Variants in ITGA9 observed in about 807,000 individuals in gnomAD.
ITGA9 encodes the protein integrin alpha-9.
In ITGA9, 56 loss-of-function variants were observed where a neutral mutation model predicts 127.8. The observed-to-expected ratio is 0.44, with a 90% CI of 0.35 to 0.55. The LOEUF is 0.55. Ranked by LOEUF, ITGA9 falls within the 20% of genes least tolerant of loss-of-function variation. The pLI is 0.00. For synonymous variants in ITGA9, 508 were observed against 514.5 expected (o/e 0.99, Z 0.17); for missense variants, 1,196 against 1,347.1 (o/e 0.89, Z 1.76).
chr3:37,617,158 G>A (rs930235874), intron 15 of ITGA9, among the ~76,000 whole-genome samples: 3 of 152,272 alleles, frequency 2.0e-5, no homozygotes, highest in East Asian at 1.9e-4. Flanking sequence ...GGCAGGCCTG[G>A]TGGTGACAAA....
chr3:37,460,882 C>A (rs185370298), intron 1 of ITGA9, among the ~76,000 whole-genome samples: 179 of 152,252 alleles, frequency 1.2e-3, no homozygotes, highest in Non-Finnish European at 2.3e-3. Context: ...AGCCACCGCA[C>A]CCGGACTATG....
intron 15 of ITGA9, among the ~76,000 whole-genome samples, chr3:37,600,448 C>G (rs1228509359): frequency 6.6e-6 from 1 of 152,134 alleles, no homozygotes; most frequent in African/African-American, 2.4e-5. Context: ...TGGCCTCTTC[C>G]CTAGCCCCAC....
At chr3:37,786,814 T>A (rs1442983627) in intron 26 of ITGA9, among the ~76,000 whole-genome samples, 1 of 152,210 alleles carries the variant, frequency 6.6e-6, no homozygotes, top group Admixed American at 6.5e-5. Flanking sequence ...ACCCACAAGA[T>A]AAGTTGTCCA....
At chr3:37,817,523 T>C (rs904887524) in intron 27 of ITGA9, among the ~76,000 whole-genome samples, 4 of 152,190 alleles carry the variant, frequency 2.6e-5, no homozygotes, top group Non-Finnish European at 5.9e-5. Context: ...GCAAGCTCCA[T>C]GGGGAAACTG....
At chr3:37,720,173 T>A (rs1701176573) in intron 18 of ITGA9, among the ~76,000 whole-genome samples, 1 of 152,178 alleles carries the variant, frequency 6.6e-6, no homozygotes, top group South Asian at 2.1e-4. Context: ...CAGCTTCAAG[T>A]TGCAAACCAG....
intron 16 of ITGA9, among the ~76,000 whole-genome samples, chr3:37,645,750 C>T (rs532432075): frequency 6.6e-6 from 1 of 152,252 alleles, no homozygotes; most frequent in Admixed American, 6.5e-5. Flanking sequence ...CAAATATCAC[C>T]AAGTCCAAGA....
At chr3:37,643,677 G>A (rs1441822718) in intron 16 of ITGA9, among the ~76,000 whole-genome samples, 1 of 152,110 alleles carries the variant, frequency 6.6e-6, no homozygotes. Context: ...AAACACACCC[G>A]GTGGACAGTG....
At chr3:37,522,584 A>G (rs1240024819) in intron 11 of ITGA9, among the ~76,000 whole-genome samples, 1 of 152,048 alleles carries the variant, frequency 6.6e-6, no homozygotes, top group Admixed American at 6.5e-5. Context: ...ACAGCTGGGT[A>G]TATTGGAGCA....
At position 37,736,952 on chromosome 3, in the gene ITGA9, G is replaced by C; in HGVS notation, c.2203G>C (p.Glu735Gln). ...FDTSHLSGEEEVLSFIVTAQS... is the reference protein window; with the variant it reads ...FDTSHLSGEEQVLSFIVTAQS... The stretch of plus-strand genomic sequence containing the variant: ...TACAAGCCACCTGTCTGGGGAAGAG[G>C]AAGTTCTCAGCTTCATTGTTACTGC... Residue 735 changes from glutamate to glutamine, a missense_variant, in exon 20 of 28, where the codon GAA becomes CAA. Coordinates refer to ENST00000264741, the MANE Select transcript of ITGA9 (RefSeq NM_002207.3). 1 of 1,613,442 alleles carries C rather than the reference G, an allele frequency of 6.2e-7. No homozygotes were observed. The highest frequency in any genetic ancestry group is 8.5e-7 in the Non-Finnish European group (1 of 1,179,356).
chr3:37,716,415 A>C (rs149927049), intron 18 of ITGA9, among the ~76,000 whole-genome samples: 83 of 152,052 alleles, frequency 5.5e-4, no homozygotes, highest in African/African-American at 1.7e-3. Flanking sequence ...GGAGAAAAAG[A>C]ATGAGCAAAA....
In ITGA9 at chr3:37,452,405, G is replaced by A; in HGVS notation, c.31G>A (p.Gly11Arg). 1.4e-6 allele frequency: 2 copies of A among 1,412,722 alleles called. No homozygotes were observed. The highest frequency in any genetic ancestry group is 1.9e-6 in the Non-Finnish European group (2 of 1,080,664). 87.5% of individuals were successfully genotyped at this position (1,412,722 alleles called of 1,614,324 possible). A position where few individuals can be genotyped will look rare whatever the true frequency, so the allele number is the denominator to read the frequency against. The change falls in exon 1 of 28, where the codon GGG becomes AGG. Residue 11 changes from glycine (G) to arginine (R), a missense_variant. By Grantham distance (125) the Gly-to-Arg change is moderately radical (BLOSUM62 -2). Transcript: ENST00000264741. This position sits in a 1 kb window ranked among gnomAD's most constrained non-coding sequence, Gnocchi z 7.3. Reference sequence around the variant, plus strand: ...CGGCCCGGCTGCGCCGAGGGGCGCCGGGAGGCTCCGCGCGCTGCTGCTGGC... The same window carrying A: ...CGGCCCGGCTGCGCCGAGGGGCGCCAGGAGGCTCCGCGCGCTGCTGCTGGC... MGGPAAPRGA[G>R]RLRALLLALV...
intron 25 of ITGA9, 39 bp downstream of exon 25, chr3:37,780,060 A>C (rs1448072450): frequency 6.2e-7 from 1 of 1,611,750 alleles, no homozygotes; most frequent in Non-Finnish European, 8.5e-7. Context: ...TGCATTTAGA[A>C]GCATTTGAAT....
At chr3:37,747,748 G>C (rs1696522211) in intron 22 of ITGA9, among the ~76,000 whole-genome samples, 1 of 144,918 alleles carries the variant, frequency 6.9e-6, no homozygotes. Flanking sequence ...TGTTTTTTGA[G>C]GCAGTGTCTC....
intron 15 of ITGA9, among the ~76,000 whole-genome samples, chr3:37,564,688 CT>C (rs1034598733): frequency 6.6e-5 from 10 of 152,198 alleles, no homozygotes; most frequent in African/African-American, 2.4e-4. Context: ...ATACTTGCCC[CT>C]TTAATTCAAC....
intron 14 of ITGA9, among the ~76,000 whole-genome samples, chr3:37,538,126 C>T (rs555060081): frequency 3.9e-5 from 6 of 152,318 alleles, no homozygotes; most frequent in African/African-American, 1.2e-4. Context: ...CAGGAAGGGG[C>T]GCTCTCTGAG....
At chr3:37,705,686 T>C (rs181913756) in intron 18 of ITGA9, among the ~76,000 whole-genome samples, 37 of 152,270 alleles carry the variant, frequency 2.4e-4, no homozygotes, top group African/African-American at 4.6e-4. Flanking sequence ...ACAATATTAG[T>C]TTTGGCTTTG....
chr3:37,778,658 G>A (rs557201392), intron 24 of ITGA9, among the ~76,000 whole-genome samples: 1 of 151,572 alleles, frequency 6.6e-6, no homozygotes, highest in South Asian at 2.1e-4. Context: ...CTTCAGATTT[G>A]TTCTATTTAC....
At chr3:37,459,698 C>T (rs1279353042) in intron 1 of ITGA9, among the ~76,000 whole-genome samples, 4 of 152,166 alleles carry the variant, frequency 2.6e-5, no homozygotes, top group South Asian at 2.1e-4. Flanking sequence ...AATGAGTTGT[C>T]GAGCACAGGC....
chr3:37,614,725 C>T (rs1429016143), intron 15 of ITGA9, among the ~76,000 whole-genome samples: 3 of 151,484 alleles, frequency 2.0e-5, no homozygotes, highest in Admixed American at 6.6e-5. Context: ...CTCTTTGAAG[C>T]AATTGTGAAT....
Sources: gnomAD v4.1 joint callset for allele counts (sites outside exome capture counted in the v4.1 genomes callset) on GRCh38, gnomAD v4.1.1 for gene constraint, Gnocchi (gnomAD v3.1) non-coding constraint, MANE v1.5 for transcripts, NCBI Gene and HGNC (gene_info 2026-07-23, HGNC 2026-07-21) for gene names.